Variants in IPO8 observed in about 807,000 individuals in gnomAD.
IPO8 encodes the protein importin 8.
A neutral mutation model predicts 141.2 loss-of-function variants in IPO8; 65 were observed. The observed-to-expected ratio is 0.46, with a 90% CI of 0.38 to 0.57. The LOEUF (loss-of-function observed/expected upper bound fraction) is 0.57. Ranked by LOEUF, IPO8 falls within the 20% of genes least tolerant of loss-of-function variation. The pLI is 0.00. For missense variants in IPO8, 980 were observed against 1,246.8 expected (o/e 0.79, Z 3.22); for synonymous variants, 411 against 420.3 (o/e 0.98, Z 0.27).
At chr12:30,671,497 C>T (rs933059999) in intron 8 of IPO8, among the ~76,000 whole-genome samples, 6 of 151,812 alleles carry the variant, frequency 4.0e-5, no homozygotes, top group African/African-American at 7.3e-5. Flanking sequence ...CACGGTGAAA[C>T]CCCGTCTCTA....
At chr12:30,665,696 T>G (rs368614265) in intron 12 of IPO8, 33 bp downstream of exon 12, 1 of 1,339,058 alleles carries the variant, frequency 7.5e-7, no homozygotes. Context: ...CTTTACAATG[T>G]TATTAAGTAA....
chr12:30,678,605 C>A (rs2053152191), intron 5 of IPO8, among the ~76,000 whole-genome samples: 1 of 152,098 alleles, frequency 6.6e-6, no homozygotes, highest in Admixed American at 6.5e-5. Flanking sequence ...AGTTAAGTAA[C>A]ACATGACTGT....
chr12:30,680,786 A>C, intron 4 of IPO8, 148 bp from the exon 5 acceptor site: 1 of 612,774 alleles, frequency 1.6e-6, no homozygotes. Context: ...TGCTAGAATT[A>C]AGTTGAAAAG....
rs1245723118 is a variant in IPO8 at position 30,652,248 on chromosome 12, C to T, written c.2116G>A (p.Asp706Asn). The change falls in exon 19 of 25, where the codon GAT (aspartate) becomes AAT (asparagine). Residue 706 changes from aspartate (D) to asparagine (N), a missense_variant. Physicochemically the swap from Asp to Asn is conservative, Grantham distance 23. Around this residue, in one of 3 missense-constraint regions of IPO8, gnomAD observed 924 missense variants for 1,153.9 expected, o/e 0.80. Transcript: ENST00000256079. ...TGTTTTGCATTTGATAGTAAGGTAT[C>T]TGTATCTATTGTCACATAATTATGC... ...LLHNYVTIDT[D>N]TLLSNAKHLE... 2.5e-6 allele frequency: 4 copies of T among 1,605,792 alleles called. No individual in the cohort carries two copies. The South Asian group carries it at 3.3e-5, about 13-fold the overall frequency.
At chr12:30,635,828 C>T (rs1309202392) in intron 22 of IPO8, among the ~76,000 whole-genome samples, 1 of 152,032 alleles carries the variant, frequency 6.6e-6, no homozygotes, top group Non-Finnish European at 1.5e-5. Context: ...CTGAGAAATA[C>T]CTCCACTAGT....
rs569513907 is a variant in IPO8, at chr12:30,674,105, C to G, written c.825-31G>C. The G allele has an allele frequency of 1.8e-5, 24 of 1,348,758 alleles. No homozygotes were observed. In the African/African-American group the frequency reaches 3.3e-4, roughly 18 times the overall value. 83.5% of individuals were successfully genotyped at this position (1,348,758 alleles called of 1,614,324 possible). Reference sequence around the variant, plus strand: ...AATACAAAGAGAAAATGTACAAATACCGTGAATTTTACAAACAGCATGCTT... The same window carrying G: ...AATACAAAGAGAAAATGTACAAATAGCGTGAATTTTACAAACAGCATGCTT... On this transcript the variant is annotated intron_variant, in intron 7 of 24. Transcript: ENST00000256079.
At chr12:30,655,159 T>A (rs532088687) in intron 17 of IPO8, among the ~76,000 whole-genome samples, 2 of 152,254 alleles carry the variant, frequency 1.3e-5, no homozygotes, top group South Asian at 4.1e-4. Flanking sequence ...TCACTCTGCA[T>A]TGTTCATTCT....
chr12:30,679,762 C>A (rs1158672306), intron 5 of IPO8, among the ~76,000 whole-genome samples: 1 of 152,154 alleles, frequency 6.6e-6, no homozygotes, highest in African/African-American at 2.4e-5. Flanking sequence ...ACAAAACCAT[C>A]CTCTTCTCAC....
chr12:30,644,900 G>A (rs1156490001), intron 20 of IPO8, among the ~76,000 whole-genome samples: 3 of 151,388 alleles, frequency 2.0e-5, no homozygotes, highest in South Asian at 2.1e-4. Flanking sequence ...TGATCCACCC[G>A]CCTCAGCCTC....
At chr12:30,633,945 G>A in intron 23 of IPO8, 138 bp downstream of exon 23, 1 of 639,730 alleles carries the variant, frequency 1.6e-6, no homozygotes, top group Non-Finnish European at 2.7e-6. Flanking sequence ...GTATGTTTGG[G>A]GATTTCTATC....
chr12:30,631,167 A>G (rs2052426801), intron 24 of IPO8, among the ~76,000 whole-genome samples: 1 of 152,142 alleles, frequency 6.6e-6, no homozygotes, highest in African/African-American at 2.4e-5. Context: ...GAAAATCTGC[A>G]AAAAACGAGT....
Position 30,661,070 on chromosome 12 carries a change from T to C in IPO8, c.1881+71A>G, listed in dbSNP as rs950927528. Reference sequence around the variant, plus strand: ...CAATTTAAAAGTGGAGACTTCAAAATTCATGGCCACTGATCACATAAATTT... The same window carrying C: ...CAATTTAAAAGTGGAGACTTCAAAACTCATGGCCACTGATCACATAAATTT... On this transcript the variant is annotated intron_variant, in intron 16 of 24. Coordinates refer to ENST00000256079, the MANE Select transcript of IPO8 (RefSeq NM_006390.4). The C allele has an allele frequency of 3.4e-6, 4 of 1,193,694 alleles. No individual in the cohort carries two copies. In the East Asian group the frequency reaches 1.1e-4, roughly 33 times the overall value. 73.9% of individuals were successfully genotyped at this position (1,193,694 alleles called of 1,614,324 possible). A position where few individuals can be genotyped will look rare whatever the true frequency, so the allele number is the denominator to read the frequency against.
chr12:30,646,550 T>C (rs1259387311), intron 20 of IPO8, among the ~76,000 whole-genome samples: 1 of 152,178 alleles, frequency 6.6e-6, no homozygotes, highest in Non-Finnish European at 1.5e-5. Context: ...GGTAAAACTC[T>C]TATTTGTAGA....
At chr12:30,648,333 A>G (rs1383494141) in intron 20 of IPO8, among the ~76,000 whole-genome samples, 1 of 152,248 alleles carries the variant, frequency 6.6e-6, no homozygotes, top group South Asian at 2.1e-4. Flanking sequence ...AGGACCACAT[A>G]TAAGATGATT....
intron 17 of IPO8, among the ~76,000 whole-genome samples, chr12:30,654,697 G>A (rs960833224): frequency 1.3e-5 from 2 of 151,858 alleles, no homozygotes; most frequent in Non-Finnish European, 2.9e-5. Flanking sequence ...TCAAAAAGAC[G>A]AAAGTTAAAT....
intron 5 of IPO8, among the ~76,000 whole-genome samples, chr12:30,677,422 T>C (rs187045111): frequency 1.8e-4 from 28 of 152,340 alleles, no homozygotes; most frequent in African/African-American, 6.5e-4. Flanking sequence ...TAACTGGTAA[T>C]GACAACTATG....
At position 30,690,554 on chromosome 12, in the gene IPO8, G is replaced by A. The variant is rs200828305; in HGVS notation, c.108C>T (p.Ala36=). 2 of 1,586,788 alleles carry A rather than the reference G, an allele frequency of 1.3e-6. No homozygotes were observed. Among genetic ancestry groups the A allele is most frequent in the African/African-American group, 2.7e-5 (2 of 73,348 alleles). ...LNQSYKIINF[A]PSLLRIIVSD... is the part of the protein sequence containing the mutation. Reference sequence around the variant, plus strand: ...AGACTATAATCCGAAGTAAACTGGGGGCAAAATTGATAATCTTGTAGGACT... The same window carrying A: ...AGACTATAATCCGAAGTAAACTGGGAGCAAAATTGATAATCTTGTAGGACT... Residue 36 remains alanine, a synonymous_variant, in exon 2 of 25, where the codon GCC becomes GCT. Coordinates refer to ENST00000256079, the MANE Select transcript of IPO8 (RefSeq NM_006390.4).
intron 13 of IPO8, among the ~76,000 whole-genome samples, chr12:30,664,402 A>G (rs1268400269): frequency 6.6e-6 from 1 of 152,216 alleles, no homozygotes; most frequent in Non-Finnish European, 1.5e-5. Context: ...GTGTTGATAT[A>G]TTTATAAAGA....
At chr12:30,685,421 G>T (rs573484739) in intron 2 of IPO8, among the ~76,000 whole-genome samples, 1 of 151,780 alleles carries the variant, frequency 6.6e-6, no homozygotes, top group South Asian at 2.1e-4. Flanking sequence ...TTACAGGTGT[G>T]AGCCACTGCA....
Sources: allele counts gnomAD v4.1 joint callset (sites outside exome capture counted in the v4.1 genomes callset), GRCh38; gene constraint gnomAD v4.1.1; regional missense constraint gnomAD v4.1.1; transcripts MANE v1.5; gene names NCBI Gene and HGNC (gene_info 2026-07-23, HGNC 2026-07-21).